The following TRIM35 variants were observed in gnomAD, a reference collection of about 807,000 sequenced individuals.
TRIM35 encodes the protein tripartite motif containing 35.
TRIM35 carries 37 observed loss-of-function variants against 49.1 expected under a neutral mutation model. That is an observed-to-expected ratio of 0.75 (90% CI 0.58 to 0.99). The LOEUF is 0.99. Ranked by LOEUF, TRIM35 falls within the 50% of genes least tolerant of loss-of-function variation. TRIM35 has a pLI of 0.00. For missense variants in TRIM35, 648 were observed against 702.7 expected, an observed-to-expected ratio of 0.92 and a Z score of 0.88; for synonymous variants, 302 against 289.3, an observed-to-expected ratio of 1.04 and a Z score of -0.45.
In TRIM35 at chr8:27,287,618, C is replaced by T. The variant is rs144761656; in HGVS notation, c.1414G>A (p.Ala472Thr). The T allele has an allele frequency of 1.3e-4, 213 of 1,606,682 alleles. No homozygotes were observed. The Admixed American group carries it at 1.4e-3, about 11-fold the overall frequency. ...PYFYLGGARG[A>T]GPPEPLRICP... ...ATGCGCAAAGGCTCTGGAGGCCCGGCGCCCCGTGCACCCCCCAGGTAGAAG... is the reference window on the plus strand; with the variant it reads ...ATGCGCAAAGGCTCTGGAGGCCCGGTGCCCCGTGCACCCCCCAGGTAGAAG... The change falls in exon 6 of 6, where the codon GCC becomes ACC. Residue 472 changes from alanine (A) to threonine (T), a missense_variant. Physicochemically the swap from Ala to Thr is moderately conservative, Grantham distance 58. Transcript: ENST00000305364. The surrounding 1 kb of genome is among the most constrained non-coding windows in gnomAD (Gnocchi z 6.0).
chr8:27,307,947 A>G (rs945017343), intron 1 of TRIM35, among the ~76,000 whole-genome samples: 4 of 152,112 alleles, frequency 2.6e-5, no homozygotes. Context: ...TGCTGTGGGG[A>G]GGTTATCCTG....
At position 27,298,512 on chromosome 8, in the gene TRIM35, G is replaced by A. The variant is rs1177573626; in HGVS notation, c.483C>T (p.Ala161=). The change falls in exon 2 of 6, where the codon GCC becomes GCT. Residue 161 remains alanine (A), a synonymous_variant. Transcript: ENST00000305364. ...MEHALREKAK[A]FWAMRRSYEA... ...CATAGGAGCGCCGCATGGCCCAGAA[G>A]GCCTTGGCCTTCTCCCGCAGTGCAT... is the stretch of plus-strand genomic sequence containing the variant. 2 of 1,614,140 alleles carry A rather than the reference G, an allele frequency of 1.2e-6. No individual in the cohort carries two copies. Among genetic ancestry groups the A allele is most frequent in the African/African-American group, 1.3e-5 (1 of 74,950 alleles).
intron 1 of TRIM35, 70 bp downstream of exon 1, chr8:27,310,731 G>C (rs553016839): frequency 9.4e-6 from 14 of 1,482,732 alleles, no homozygotes; most frequent in Non-Finnish European, 1.3e-5. Context: ...GGAGGGGCGG[G>C]AGCCGCAGAG....
At chr8:27,302,463 G>C (rs949167750) in intron 1 of TRIM35, among the ~76,000 whole-genome samples, 1 of 152,064 alleles carries the variant, frequency 6.6e-6, no homozygotes, top group African/African-American at 2.4e-5. Flanking sequence ...CTGCAGTGCA[G>C]TAGTAGCACA....
chr8:27,300,582 C>T (rs1802662813), intron 1 of TRIM35, among the ~76,000 whole-genome samples: 1 of 152,090 alleles, frequency 6.6e-6, no homozygotes, highest in South Asian at 2.1e-4. Flanking sequence ...GAGAACTAGC[C>T]CATTTGTCCC....
At chr8:27,304,355 T>A (rs1802739914) in intron 1 of TRIM35, among the ~76,000 whole-genome samples, 1 of 152,246 alleles carries the variant, frequency 6.6e-6, no homozygotes. Flanking sequence ...TTGTGAGACT[T>A]GATACACACT....
At position 27,288,081 on chromosome 8, in the gene TRIM35, C is replaced by T. The variant is rs746914489; in HGVS notation, c.951G>A (p.Val317=). ...TGGTGACGCTGGTGAGGTCGTCAGA[C>T]ACGGAGAGCCAGCCAGCTGCGGTGT... ...DPNTAAGWLS[V]SDDLTSVTNH... The change falls in exon 6 of 6, where the codon GTG becomes GTA. Residue 317 remains valine (V), a synonymous_variant. Coordinates refer to ENST00000305364, the MANE Select transcript of TRIM35 (RefSeq NM_171982.5). The T allele has an allele frequency of 6.2e-7, 1 of 1,611,688 alleles. No homozygotes were observed. Among genetic ancestry groups the T allele is most frequent in the South Asian group, 1.1e-5 (1 of 91,054 alleles).
At position 27,310,873 on chromosome 8, in the gene TRIM35, G is replaced by A. The variant is rs61747655; in HGVS notation, c.363C>T (p.Cys121=). Residue 121 remains cysteine, a synonymous_variant, in exon 1 of 6, where the codon TGC becomes TGT. Transcript: ENST00000305364. ...GGTGTCGGGGGTCGGCCTGGCAGGA[G>A]CAGCACAGCAGCTCCTTGTCCTCGA... ...FCLEDKELLC[C]SCQADPRHQG... 2.4e-3 allele frequency: 3,798 copies of A among 1,612,590 alleles called. 85 individuals are homozygous for A. The African/African-American group carries it at 0.044, about 19-fold the overall frequency.
rs79563392 is a variant in TRIM35, at chr8:27,290,790, A to G, written c.763-612T>C. ...CTAAAATTCACACAAAATTTCAAGG[A>G]ACCCAGAATAGCCAAAACCATCTTG... On this transcript the variant is annotated intron_variant, in intron 3 of 5. Coordinates refer to ENST00000305364, the MANE Select transcript of TRIM35 (RefSeq NM_171982.5). Among the ~76,000 whole-genome samples, 680 of 152,300 alleles carry G rather than the reference A, an allele frequency of 4.5e-3. 6 individuals are homozygous for G. The highest frequency in any genetic ancestry group is 0.036 in the East Asian group (187 of 5,180).
chr8:27,290,501 G>C (rs1802431533), intron 3 of TRIM35, among the ~76,000 whole-genome samples: 1 of 152,148 alleles, frequency 6.6e-6, no homozygotes, highest in African/African-American at 2.4e-5. Flanking sequence ...ATAAAGCAAT[G>C]AGCAACTACT....
intron 1 of TRIM35, 132 bp downstream of exon 1, chr8:27,310,668 TG>T: frequency 9.7e-7 from 1 of 1,029,276 alleles, no homozygotes; most frequent in Non-Finnish European, 1.4e-6. Flanking sequence ...GTCGGAGAGG[TG>T]GGGTCCTGCA....
rs756144949 is a variant in TRIM35 at position 27,288,131 on chromosome 8, C to G, written c.905-4G>C. ...TTGGGGTCAAAGCTGAAGGGTACTG[C>G]AAGCAGAGGCGGAAATGGGGAATCA... On this transcript the variant is annotated splice_region_variant and splice_polypyrimidine_tract_variant and intron_variant, in intron 5 of 5. Coordinates refer to ENST00000305364, the MANE Select transcript of TRIM35 (RefSeq NM_171982.5). 6.3e-6 allele frequency: 10 copies of G among 1,595,338 alleles called. No individual in the cohort carries two copies. The Admixed American group carries it at 1.7e-4, about 27-fold the overall frequency.
At chr8:27,299,633 TGA>T (rs1391052537) in intron 1 of TRIM35, among the ~76,000 whole-genome samples, 9 of 152,082 alleles carry the variant, frequency 5.9e-5, no homozygotes, top group African/African-American at 1.9e-4. Flanking sequence ...TCCTGTGAGA[TGA>T]GAGTGTTTTA....
chr8:27,307,096 C>T (rs1802801339), intron 1 of TRIM35, among the ~76,000 whole-genome samples: 4 of 152,130 alleles, frequency 2.6e-5, no homozygotes, highest in South Asian at 4.1e-4. Context: ...GTTTGAGAAA[C>T]GCCAGACTAG....
At chr8:27,290,305 A>ATTGT in intron 3 of TRIM35, 127 bp from the exon 4 acceptor site, 9 of 878,508 alleles carry the variant, frequency 1.0e-5, no homozygotes, top group African/African-American at 1.7e-5. Flanking sequence ...GATGTTAACA[A>ATTGT]TAACATCCCT....
Position 27,287,752 on chromosome 8 carries a change from C to A in TRIM35, c.1280G>T (p.Arg427Leu), listed in dbSNP as rs760947998. 1.2e-6 allele frequency: 2 copies of A among 1,609,928 alleles called. No homozygotes were observed. Among genetic ancestry groups the A allele is most frequent in the East Asian group, 2.2e-5 (1 of 44,724 alleles). The change falls in exon 6 of 6, where the codon CGC becomes CTC. Residue 427 changes from arginine to leucine, a missense_variant. Transcript: ENST00000305364. The surrounding 1 kb of genome is among the most constrained non-coding windows in gnomAD (Gnocchi z 6.0). ...CTCACACTCCAGCTCCACACGCAGGCGGCGTGGGATGGCCAGGACCAGGGG... is the reference window on the plus strand; with the variant it reads ...CTCACACTCCAGCTCCACACGCAGGAGGCGTGGGATGGCCAGGACCAGGGG... The part of the protein sequence containing the change: ...TSPLVLAIPR[R>L]LRVELECEEG...
In TRIM35 at chr8:27,286,160, T is replaced by A. The variant is rs1418222106; in HGVS notation, c.*1390A>T. 1 of 456,228 alleles carries A rather than the reference T, an allele frequency of 2.2e-6. No homozygotes were observed. Among genetic ancestry groups the A allele is most frequent in the South Asian group, 1.5e-5 (1 of 64,574 alleles). The allele number at this position is 456,228 out of a possible 1,614,324, so 28.3% of individuals were successfully genotyped here. On this transcript the variant is annotated 3_prime_UTR_variant, in exon 6 of 6. Coordinates refer to ENST00000305364, the MANE Select transcript of TRIM35 (RefSeq NM_171982.5). ...CTCCTAGGAAAAAAAAATATTTCCTTTTATGATGCCACTTCCTGGGACATG... is the reference window on the plus strand; with the variant it reads ...CTCCTAGGAAAAAAAAATATTTCCTATTATGATGCCACTTCCTGGGACATG...
In TRIM35 at chr8:27,289,119, G is replaced by C. The variant is rs1802398942; in HGVS notation, c.904+43C>G. The C allele has an allele frequency of 2.6e-6, 4 of 1,541,692 alleles. No individual in the cohort carries two copies. In the South Asian group the frequency reaches 4.5e-5, roughly 17 times the overall value. ...TGGTGCCTCTTTGCTAACATGAAGGGCTTCCACCCATGCTTGGGACACCTG... is the reference window on the plus strand; with the variant it reads ...TGGTGCCTCTTTGCTAACATGAAGGCCTTCCACCCATGCTTGGGACACCTG... On this transcript the variant is annotated intron_variant, in intron 5 of 5. Transcript: ENST00000305364.
At position 27,307,907 on chromosome 8, in the gene TRIM35, G is replaced by C. The variant is rs545947704; in HGVS notation, c.435+2894C>G. Among the ~76,000 whole-genome samples the C allele has an allele frequency of 1.1e-4, 17 of 152,284 alleles. 1 individual carries two copies. Among genetic ancestry groups the C allele is most frequent in the African/African-American group, 4.1e-4 (17 of 41,546 alleles). ...TCCCCAGAATCTTGTATGGCAAAAG[G>C]GACTGTGCAGATGATTAAATTAAGG... On this transcript the variant is annotated intron_variant, in intron 1 of 5. Coordinates refer to ENST00000305364, the MANE Select transcript of TRIM35 (RefSeq NM_171982.5).
Sources: gnomAD v4.1 joint callset for allele counts (sites outside exome capture counted in the v4.1 genomes callset) on GRCh38, gnomAD v4.1.1 for gene constraint, Gnocchi (gnomAD v3.1) non-coding constraint, MANE v1.5 for transcripts, NCBI Gene and HGNC (gene_info 2026-07-23, HGNC 2026-07-21) for gene names.